The following MAF variants were observed in gnomAD, a reference collection of about 807,000 sequenced individuals.
MAF encodes the protein MAF bZIP transcription factor, also known as transcription factor Maf.
In MAF, 10 loss-of-function variants were observed where a neutral mutation model predicts 22.0. The ratio of observed to expected loss-of-function variants is 0.45; its 90% CI spans 0.28 to 0.77. The LOEUF (loss-of-function observed/expected upper bound fraction) is 0.77. Ranked by LOEUF, MAF falls within the 30% of genes least tolerant of loss-of-function variation. The pLI is 0.12. For synonymous variants in MAF, 337 were observed against 255.8 expected, an observed-to-expected ratio of 1.32 and a Z score of -3.03; for missense variants, 544 against 548.4, an observed-to-expected ratio of 0.99 and a Z score of 0.08.
At chr16:79,594,843 C>T in intron 1 of MAF, 1 of 1,234,394 alleles carries the variant, frequency 8.1e-7, no homozygotes, top group Non-Finnish European at 1.0e-6. Flanking sequence ...TCATTTTTGC[C>T]AGCACCTTTG....
At chr16:79,284,454 A>C in the MAF span, among the ~76,000 whole-genome samples, 1 of 152,316 alleles carries the variant, frequency 6.6e-6, no homozygotes, top group Non-Finnish European at 1.5e-5. Flanking sequence ...TAAGGCATCA[A>C]AAAATTTACC....
At chr16:79,486,790 A>G in the MAF span, among the ~76,000 whole-genome samples, 1 of 152,222 alleles carries the variant, frequency 6.6e-6, no homozygotes, top group South Asian at 2.1e-4. Flanking sequence ...AAAGAAATCA[A>G]TCCTGTTGCT....
the MAF span, among the ~76,000 whole-genome samples, chr16:79,298,141 C>G: frequency 6.6e-6 from 1 of 152,244 alleles, no homozygotes; most frequent in Non-Finnish European, 1.5e-5. Flanking sequence ...ATGAAGCCAG[C>G]TCAGGCGGAG....
chr16:79,508,814 C>G, the MAF span, among the ~76,000 whole-genome samples: 1 of 152,084 alleles, frequency 6.6e-6, no homozygotes, highest in African/African-American at 2.4e-5. Flanking sequence ...CGAGAAGAGG[C>G]AAATCCATAG....
chr16:79,518,629 A>T, the MAF span, among the ~76,000 whole-genome samples: 2 of 152,238 alleles, frequency 1.3e-5, no homozygotes, highest in Non-Finnish European at 2.9e-5. Flanking sequence ...TGCTGATAAC[A>T]CTTTACATAG....
At chr16:79,590,169 A>G (rs1360991718), downstream of MAF, among the ~76,000 whole-genome samples, 4 of 150,832 alleles carry the variant, frequency 2.7e-5, no homozygotes, top group Admixed American at 2.6e-4. Flanking sequence ...TGCATAAAGG[A>G]CTGGGATGCG....
At chr16:79,205,763 C>T in the MAF span, 1 of 152,068 alleles carries the variant, frequency 6.6e-6, no homozygotes, top group Non-Finnish European at 1.5e-5. Flanking sequence ...AGTCAGTTGT[C>T]AGGAATTTGT....
At chr16:79,489,383 C>G in the MAF span, among the ~76,000 whole-genome samples, 71 of 152,260 alleles carry the variant, frequency 4.7e-4, 1 homozygote, top group Admixed American at 2.0e-3. Flanking sequence ...CCTTTGTGTA[C>G]TGAATATGTG....
At chr16:79,474,820 C>T in the MAF span, among the ~76,000 whole-genome samples, 2 of 152,126 alleles carry the variant, frequency 1.3e-5, no homozygotes, top group African/African-American at 2.4e-5. Context: ...CCTCCTCACC[C>T]CCATTCTGAG....
chr16:79,284,215 C>T, the MAF span, among the ~76,000 whole-genome samples: 1 of 152,168 alleles, frequency 6.6e-6, no homozygotes, highest in Non-Finnish European at 1.5e-5. Flanking sequence ...CCTCCATCCG[C>T]CTTCTACCCC....
the MAF span, among the ~76,000 whole-genome samples, chr16:79,322,288 G>C: frequency 2.0e-5 from 3 of 152,140 alleles, no homozygotes; most frequent in African/African-American, 4.8e-5. Context: ...GCATCACTGA[G>C]TGTTTCTAAG....
At chr16:79,563,555 A>G in the MAF span, among the ~76,000 whole-genome samples, 1 of 152,128 alleles carries the variant, frequency 6.6e-6, no homozygotes, top group Non-Finnish European at 1.5e-5. Context: ...ATTTTTTATA[A>G]TGAGTATGCA....
chr16:79,568,529 C>T, the MAF span, among the ~76,000 whole-genome samples: 1 of 152,304 alleles, frequency 6.6e-6, no homozygotes, highest in East Asian at 1.9e-4. Context: ...AACAGGCATA[C>T]ACTGAGGCTA....
chr16:79,525,784 C>G, the MAF span, among the ~76,000 whole-genome samples: 3 of 152,040 alleles, frequency 2.0e-5, no homozygotes, highest in Non-Finnish European at 4.4e-5. Context: ...CTCACAAAAT[C>G]ATTATATTAA....
chr16:79,454,614 T>G, the MAF span, among the ~76,000 whole-genome samples: 1 of 152,176 alleles, frequency 6.6e-6, no homozygotes, highest in Non-Finnish European at 1.5e-5. Context: ...AAAATGCTCT[T>G]GGATTCAACA....
chr16:79,407,992 C>G, the MAF span, among the ~76,000 whole-genome samples: 7 of 148,516 alleles, frequency 4.7e-5, no homozygotes, highest in Non-Finnish European at 3.0e-5. Flanking sequence ...AGAGGGAGAT[C>G]GACCCTCATG....
At chr16:79,401,581 T>C in the MAF span, among the ~76,000 whole-genome samples, 25 of 152,250 alleles carry the variant, frequency 1.6e-4, no homozygotes, top group African/African-American at 5.8e-4. Flanking sequence ...TTAAATTAAT[T>C]AGTGGAAATG....
chr16:79,491,969 T>C, the MAF span, among the ~76,000 whole-genome samples: 10 of 152,184 alleles, frequency 6.6e-5, no homozygotes, highest in Non-Finnish European at 1.5e-4. Context: ...TACCCGGAAC[T>C]GACAATGAGG....
chr16:79,216,380 T>A, the MAF span, among the ~76,000 whole-genome samples: 1 of 152,260 alleles, frequency 6.6e-6, no homozygotes, highest in Non-Finnish European at 1.5e-5. Context: ...CATATATGTA[T>A]ACAGATGATC....
Sources: gnomAD v4.1 joint callset for allele counts (sites outside exome capture counted in the v4.1 genomes callset) on GRCh38, gnomAD v4.1.1 for gene constraint, MANE v1.5 for transcripts, NCBI Gene and HGNC (gene_info 2026-07-23, HGNC 2026-07-21) for gene names.